CNTNAP2: variants seen among roughly 807,000 people sequenced by gnomAD.
CNTNAP2 encodes the protein contactin associated protein 2.
A neutral mutation model predicts 155.2 loss-of-function variants in CNTNAP2; 98 were observed. That is an observed-to-expected ratio of 0.63 (90% CI 0.54 to 0.75). The LOEUF (loss-of-function observed/expected upper bound fraction) is 0.75, where lower values mean the gene tolerates loss of function less well. CNTNAP2 is among the 30% of genes least tolerant of loss of function. The pLI is 0.00. For synonymous variants in CNTNAP2, 651 were observed against 631.2 expected, an observed-to-expected ratio of 1.03 and a Z score of -0.47; for missense variants, 1,727 against 1,688.1, an observed-to-expected ratio of 1.02 and a Z score of -0.40.
At chr7:147,575,148 T>C (rs1800365473) in intron 12 of CNTNAP2, among the ~76,000 whole-genome samples, 1 of 142,790 alleles carries the variant, frequency 7.0e-6, no homozygotes, top group Non-Finnish European at 1.5e-5. Context: ...TGTGTGTGTG[T>C]GTGTATTCCC....
chr7:147,541,508 C>T (rs1003874837), intron 11 of CNTNAP2, among the ~76,000 whole-genome samples: 8 of 152,176 alleles, frequency 5.3e-5, no homozygotes, highest in Non-Finnish European at 1.2e-4. Context: ...ATCACATGCT[C>T]TCCGAGGTCT....
intron 1 of CNTNAP2, among the ~76,000 whole-genome samples, chr7:146,592,640 T>C (rs900412677): frequency 3.3e-5 from 5 of 152,146 alleles, no homozygotes; most frequent in African/African-American, 1.2e-4. Flanking sequence ...AATGTAGGAA[T>C]TCAACCTCAA....
chr7:148,321,897 CTT>C (rs201482522), intron 21 of CNTNAP2, among the ~76,000 whole-genome samples: 28 of 141,476 alleles, frequency 2.0e-4, no homozygotes, highest in African/African-American at 5.9e-4. Context: ...ATAAATTCTT[CTT>C]TTTTTTTTTT....
chr7:146,359,311 G>C (rs1795048121), intron 1 of CNTNAP2, among the ~76,000 whole-genome samples: 1 of 152,220 alleles, frequency 6.6e-6, no homozygotes, highest in Non-Finnish European at 1.5e-5. Context: ...TCAAGAAATA[G>C]ATATGAAGAC....
At chr7:146,583,777 T>C (rs1798647527) in intron 1 of CNTNAP2, among the ~76,000 whole-genome samples, 1 of 152,210 alleles carries the variant, frequency 6.6e-6, no homozygotes, top group African/African-American at 2.4e-5. Flanking sequence ...GCTTTATTCA[T>C]ATATGCTATT....
chr7:147,135,642 T>C (rs1335727359), intron 8 of CNTNAP2, among the ~76,000 whole-genome samples: 1 of 151,620 alleles, frequency 6.6e-6, no homozygotes, highest in Non-Finnish European at 1.5e-5. Context: ...TTTCAAATAA[T>C]TTTGATCAAA....
At chr7:148,232,525 T>G (rs941169724) in intron 20 of CNTNAP2, among the ~76,000 whole-genome samples, 6 of 152,246 alleles carry the variant, frequency 3.9e-5, no homozygotes, top group African/African-American at 7.2e-5. Flanking sequence ...GCTGCATTTT[T>G]ATAATCAAAC....
intron 13 of CNTNAP2, among the ~76,000 whole-genome samples, chr7:147,823,127 A>T (rs2110306): frequency 0.2 from 30,297 of 152,090 alleles, 3,262 homozygotes; most frequent in East Asian, 0.35. Context: ...AATCCTTTTC[A>T]TCCAAGTCTA....
chr7:146,198,739 A>C (rs1465581314), intron 1 of CNTNAP2, among the ~76,000 whole-genome samples: 1 of 152,134 alleles, frequency 6.6e-6, no homozygotes, highest in Non-Finnish European at 1.5e-5. Context: ...CAGTTTTTAC[A>C]GTGCCAATAA....
At chr7:147,649,912 G>A (rs923029637) in intron 13 of CNTNAP2, among the ~76,000 whole-genome samples, 4 of 151,870 alleles carry the variant, frequency 2.6e-5, no homozygotes, top group Non-Finnish European at 5.9e-5. Flanking sequence ...ATAAAATAAT[G>A]TAACAAAATT....
At chr7:147,887,008 T>C (rs1306507044) in intron 13 of CNTNAP2, among the ~76,000 whole-genome samples, 1 of 152,216 alleles carries the variant, frequency 6.6e-6, no homozygotes, top group African/African-American at 2.4e-5. Context: ...TATCACCTAA[T>C]TTGTAGAATA....
At position 148,217,403 on chromosome 7, in the gene CNTNAP2, CCA is replaced by C; in HGVS notation, c.3128_3129del (p.His1043ProfsTer58). The part of the protein sequence containing the change: ...VDNAPDQQNS[H>X]PDLAQEEIRF... ...ACAACGCTCCCGACCAGCAGAACTC[CCA>C]CCCGGACCTGGCACAGGAGGAGATC... On this transcript the variant is annotated frameshift_variant, in exon 19 of 24. Transcript: ENST00000361727. LOFTEE classifies it high-confidence loss of function. The C allele has an allele frequency of 6.2e-7, 1 of 1,614,124 alleles. No individual in the cohort carries two copies. The highest frequency in any genetic ancestry group is 8.5e-7 in the Non-Finnish European group (1 of 1,180,024).
intron 9 of CNTNAP2, among the ~76,000 whole-genome samples, chr7:147,315,935 A>G (rs1319107264): frequency 6.6e-6 from 1 of 152,074 alleles, no homozygotes; most frequent in Non-Finnish European, 1.5e-5. Flanking sequence ...ATTTTTACAT[A>G]TATGTATATA....
intron 17 of CNTNAP2, 36 bp downstream of exon 17, chr7:148,147,745 T>C (rs778710267): frequency 7.4e-5 from 119 of 1,601,104 alleles, no homozygotes; most frequent in Middle Eastern, 2.2e-4. Context: ...CTTCCCTCTG[T>C]TGATTTTTAA....
rs1796472711 is a variant in CNTNAP2 at position 147,378,207 on chromosome 7, A to G, written c.1499-17402A>G. 1.0e-5 allele frequency: 3 copies of G among 290,216 alleles called. No homozygotes were observed. In the Admixed American group the frequency reaches 1.4e-4, roughly 14 times the overall value. 18.0% of individuals were successfully genotyped at this position (290,216 alleles called of 1,614,324 possible). ...GAATGACATTGTCGATATTCAATCTACCTTTCAGTTTACAAACTCACTCTG... is the reference window on the plus strand; with the variant it reads ...GAATGACATTGTCGATATTCAATCTGCCTTTCAGTTTACAAACTCACTCTG... On this transcript the variant is annotated intron_variant, in intron 9 of 23. Transcript: ENST00000361727.
At chr7:148,084,822 T>G (rs1803689300) in intron 15 of CNTNAP2, among the ~76,000 whole-genome samples, 1 of 152,188 alleles carries the variant, frequency 6.6e-6, no homozygotes, top group African/African-American at 2.4e-5. Flanking sequence ...AGAACTGACA[T>G]TGTTTGTTTA....
intron 16 of CNTNAP2, among the ~76,000 whole-genome samples, chr7:148,137,707 A>T (rs921993329): frequency 4.6e-4 from 69 of 150,714 alleles, no homozygotes; most frequent in Non-Finnish European, 7.8e-4. Context: ...GAAGGAAGGA[A>T]GGAAGGAAGG....
At chr7:146,200,361 G>A (rs1798840293) in intron 1 of CNTNAP2, among the ~76,000 whole-genome samples, 1 of 152,072 alleles carries the variant, frequency 6.6e-6, no homozygotes, top group Non-Finnish European at 1.5e-5. Context: ...GGGCATGGTG[G>A]TACGTGCCTG....
At chr7:148,262,079 TAG>T (rs1796572995) in intron 20 of CNTNAP2, among the ~76,000 whole-genome samples, 1 of 152,162 alleles carries the variant, frequency 6.6e-6, no homozygotes, top group African/African-American at 2.4e-5. Context: ...CCATATACCT[TAG>T]AGAATGACGG....
Sources: gnomAD v4.1 joint callset for allele counts (sites outside exome capture counted in the v4.1 genomes callset) on GRCh38, gnomAD v4.1.1 for gene constraint, MANE v1.5 for transcripts, NCBI Gene and HGNC (gene_info 2026-07-23, HGNC 2026-07-21) for gene names.